The following DLG2 variants were observed in gnomAD, a reference collection of about 807,000 sequenced individuals.
DLG2 encodes discs large MAGUK scaffold protein 2, also known as disks large homolog 2.
A neutral mutation model predicts 132.5 loss-of-function variants in DLG2; 45 were observed. That is an observed-to-expected ratio of 0.34 (90% CI 0.27 to 0.44). The LOEUF (loss-of-function observed/expected upper bound fraction) is 0.44. DLG2 is among the 20% of genes least tolerant of loss of function. The pLI is 1.00. For synonymous variants in DLG2, 424 were observed against 419.6 expected, an observed-to-expected ratio of 1.01 and a Z score of -0.13; for missense variants, 1,045 against 1,196.9, an observed-to-expected ratio of 0.87 and a Z score of 1.87.
chr11:84,780,655 C>A (rs1462253150), intron 6 of DLG2, among the ~76,000 whole-genome samples: 4 of 151,990 alleles, frequency 2.6e-5, no homozygotes, highest in Non-Finnish European at 4.4e-5. Flanking sequence ...GTTGTTGTAT[C>A]ATTCTAATAG....
intron 10 of DLG2, among the ~76,000 whole-genome samples, chr11:84,077,951 T>A (rs911388744): frequency 6.6e-6 from 1 of 152,300 alleles, no homozygotes; most frequent in Middle Eastern, 3.4e-3. Flanking sequence ...TTCCCTCAAA[T>A]TTTCTGTGAC....
chr11:83,490,723 CACA>C (rs1271395938), intron 21 of DLG2, among the ~76,000 whole-genome samples: 1 of 151,870 alleles, frequency 6.6e-6, no homozygotes. Flanking sequence ...CTGAGAAGTA[CACA>C]ACATCACTTC....
rs538584814 is a variant in DLG2, at chr11:84,837,662, C to T, written c.357+273999G>A. On this transcript the variant is annotated intron_variant, in intron 6 of 27. Coordinates refer to ENST00000376104, the MANE Select transcript of DLG2 (RefSeq NM_001142699.3). ...TGCTGAGTAAAGAAGGAAGGTAGAA[C>T]ATTATCCCATTGCTATAGGAATTTT... Among the ~76,000 whole-genome samples, 8 of 151,882 alleles carry T rather than the reference C, an allele frequency of 5.3e-5. No homozygotes were observed. The South Asian group carries it at 1.2e-3, about 24-fold the overall frequency.
intron 4 of DLG2, among the ~76,000 whole-genome samples, chr11:85,251,049 C>T (rs2076372079): frequency 1.3e-5 from 2 of 152,138 alleles, no homozygotes; most frequent in Middle Eastern, 3.2e-3. Context: ...TCCATAGCTA[C>T]TTCTATCAAC....
chr11:84,640,974 A>AC (rs1035780636), intron 6 of DLG2, among the ~76,000 whole-genome samples: 4 of 151,754 alleles, frequency 2.6e-5, no homozygotes, highest in African/African-American at 9.7e-5. Context: ...ACAAAAAAAA[A>AC]ACAACTATTG....
At position 83,720,294 on chromosome 11, in the gene DLG2, GAAAAAAA is replaced by G. The variant is rs10573464; in HGVS notation, c.1825+66389_1825+66395del. On this transcript the variant is annotated intron_variant, in intron 18 of 27. Transcript: ENST00000376104. ...GGTGACAGAGTGAGACTCCATCTCAGAAAAAAAAAAAAAAAAAAAAAAAAAAAAAAAA... is the reference window on the plus strand; with the variant it reads ...GGTGACAGAGTGAGACTCCATCTCAGAAAAAAAAAAAAAAAAAAAAAAAAA... 4.7e-3 allele frequency among the ~76,000 whole-genome samples: 129 copies of G among 27,286 alleles called. 1 individual carries two copies. Among genetic ancestry groups the G allele is most frequent in the South Asian group, 0.033 (16 of 482 alleles). 17.9% of individuals were successfully genotyped at this position (27,286 alleles called of 152,430 possible). A position where few individuals can be genotyped will look rare whatever the true frequency, so the allele number is the denominator to read the frequency against.
intron 12 of DLG2, among the ~76,000 whole-genome samples, chr11:83,967,429 A>G (rs2090452584): frequency 6.6e-6 from 1 of 152,064 alleles, no homozygotes; most frequent in South Asian, 2.1e-4. Context: ...TAGCCATCCT[A>G]ACAGTTGTGA....
At chr11:85,264,278 T>C (rs2077091219) in intron 4 of DLG2, among the ~76,000 whole-genome samples, 1 of 152,180 alleles carries the variant, frequency 6.6e-6, no homozygotes, top group African/African-American at 2.4e-5. Context: ...CCTCCCACCT[T>C]GGCCCTTAGA....
rs527482268 is a variant in DLG2 at position 84,489,203 on chromosome 11, G to A, written c.519+45367C>T. On this transcript the variant is annotated intron_variant, in intron 7 of 27. Coordinates refer to ENST00000376104, the MANE Select transcript of DLG2 (RefSeq NM_001142699.3). Reference sequence around the variant, plus strand: ...AAGTTTATGATAGTATAAAACAAACGGCACTGCAGTATTTTTCCTTTTATT... The same window carrying A: ...AAGTTTATGATAGTATAAAACAAACAGCACTGCAGTATTTTTCCTTTTATT... 3.7e-4 allele frequency among the ~76,000 whole-genome samples: 57 copies of A among 152,064 alleles called. No homozygotes were observed. The South Asian group carries it at 8.3e-3, about 22-fold the overall frequency.
intron 3 of DLG2, among the ~76,000 whole-genome samples, chr11:85,514,887 A>C (rs1226842907): frequency 6.6e-6 from 1 of 151,908 alleles, no homozygotes; most frequent in Non-Finnish European, 1.5e-5. Context: ...AATCTTCTTG[A>C]ATTATTTCAC....
At chr11:84,719,890 C>A (rs763642632) in intron 6 of DLG2, among the ~76,000 whole-genome samples, 9 of 152,114 alleles carry the variant, frequency 5.9e-5, no homozygotes, top group Non-Finnish European at 1.3e-4. Flanking sequence ...ACCCCACTTA[C>A]TCCTGCTAGT....
intron 8 of DLG2, among the ~76,000 whole-genome samples, chr11:84,201,808 C>CT (rs58905339): frequency 0.022 from 1,399 of 64,638 alleles, 181 homozygotes; most frequent in Non-Finnish European, 0.026. Flanking sequence ...AAACTATTTT[C>CT]TTTTTTTTTT....
At chr11:85,123,826 G>A (rs1474218234) in intron 5 of DLG2, among the ~76,000 whole-genome samples, 1 of 152,154 alleles carries the variant, frequency 6.6e-6, no homozygotes, top group Admixed American at 6.5e-5. Context: ...AGGGGCAAAG[G>A]TTATTTTCAT....
At chr11:83,743,458 G>C in intron 18 of DLG2, among the ~76,000 whole-genome samples, 1 of 93,716 alleles carries the variant, frequency 1.1e-5, no homozygotes, top group African/African-American at 1.1e-4. Context: ...TTATGACAGG[G>C]TCTCACTTTG....
intron 21 of DLG2, among the ~76,000 whole-genome samples, chr11:83,486,656 T>C (rs1265588574): frequency 6.6e-6 from 1 of 152,054 alleles, no homozygotes. Context: ...CATCACACTT[T>C]ACAAAAGAAC....
At chr11:83,673,994 C>G (rs1173025304) in intron 18 of DLG2, among the ~76,000 whole-genome samples, 1 of 152,220 alleles carries the variant, frequency 6.6e-6, no homozygotes, top group Non-Finnish European at 1.5e-5. Context: ...TCATACATGG[C>G]TGCCTTAAAC....
In DLG2 at chr11:83,893,807, G is replaced by T. The variant is rs76469472; in HGVS notation, c.1497-19319C>A. 7.2e-4 allele frequency among the ~76,000 whole-genome samples: 110 copies of T among 152,302 alleles called. 1 individual carries two copies. In the East Asian group the frequency reaches 0.018, roughly 25 times the overall value. ...ACTGCATGCTGTGTACCTTGCAGAA[G>T]TAATGCTTTCTTAGACTCCACTTCC... On this transcript the variant is annotated intron_variant, in intron 15 of 27. Coordinates refer to ENST00000376104, the MANE Select transcript of DLG2 (RefSeq NM_001142699.3).
Position 83,660,387 on chromosome 11 carries a change from G to A in DLG2, c.1826-27062C>T, listed in dbSNP as rs577287915. 2.0e-5 allele frequency among the ~76,000 whole-genome samples: 3 copies of A among 152,302 alleles called. No individual in the cohort carries two copies. The East Asian group carries it at 5.8e-4, about 29-fold the overall frequency. On this transcript the variant is annotated intron_variant, in intron 18 of 27. Coordinates refer to ENST00000376104, the MANE Select transcript of DLG2 (RefSeq NM_001142699.3). ...GTGTCTTCAGAAATATGAATCAAGG[G>A]TTAACATTTAAAAATTAAAAATTTT... is the stretch of plus-strand genomic sequence containing the variant.
chr11:84,571,603 C>A (rs1565334749), intron 6 of DLG2, among the ~76,000 whole-genome samples: 1 of 152,066 alleles, frequency 6.6e-6, no homozygotes, highest in Admixed American at 6.6e-5. Flanking sequence ...CCTTTCTGTA[C>A]ATTCTTAGTG....
Sources: gnomAD v4.1 joint callset for allele counts (sites outside exome capture counted in the v4.1 genomes callset) on GRCh38, gnomAD v4.1.1 for gene constraint, MANE v1.5 for transcripts, NCBI Gene and HGNC (gene_info 2026-07-23, HGNC 2026-07-21) for gene names.